NTRK3: variants seen among roughly 807,000 people sequenced by gnomAD.
NTRK3 encodes NT-3 growth factor receptor.
Under a neutral mutation model 91.7 loss-of-function variants are expected in NTRK3, and 24 were observed. The observed-to-expected ratio is 0.26, with a 90% CI of 0.19 to 0.37. NTRK3 has a LOEUF of 0.37. Ranked by LOEUF, NTRK3 falls within the 10% of genes least tolerant of loss-of-function variation. The pLI, the probability that NTRK3 is intolerant of heterozygous loss-of-function variation, is 1.00. For missense variants in NTRK3, 880 were observed against 1,068.9 expected (o/e 0.82, Z 2.46); for synonymous variants, 483 against 404.0 (o/e 1.20, Z -2.34).
intron 5 of NTRK3, among the ~76,000 whole-genome samples, chr15:88,161,644 G>C (rs1315333135): frequency 6.6e-6 from 1 of 152,206 alleles, no homozygotes; most frequent in Admixed American, 6.5e-5. Context: ...GGAGAGCATA[G>C]GGAAAGGCAT....
chr15:88,187,668 A>C (rs1011824467), intron 3 of NTRK3, among the ~76,000 whole-genome samples: 3 of 152,144 alleles, frequency 2.0e-5, no homozygotes, highest in African/African-American at 4.8e-5. Context: ...AAAATCAATC[A>C]ATACTGCCTG....
rs141567162 is a variant in NTRK3 at position 87,997,683 on chromosome 15, T to C, written c.1585+35174A>G. Among the ~76,000 whole-genome samples, 509 of 152,324 alleles carry C rather than the reference T, an allele frequency of 3.3e-3. 2 individuals carry two copies. Among genetic ancestry groups the C allele is most frequent in the Non-Finnish European group, 5.6e-3 (381 of 68,030 alleles). On this transcript the variant is annotated intron_variant, in intron 14 of 18. Transcript: ENST00000394480. ...CAATACTTTTGATGGATATGTGTTCTTTGATTCCTAGGGAAAAAATATGAA... is the reference window on the plus strand; with the variant it reads ...CAATACTTTTGATGGATATGTGTTCCTTGATTCCTAGGGAAAAAATATGAA...
Position 87,942,582 on chromosome 15 carries a change from G to A in NTRK3, c.1586-1829C>T, listed in dbSNP as rs559897921. Among the ~76,000 whole-genome samples, 61 of 152,128 alleles carry A rather than the reference G, an allele frequency of 4.0e-4. 1 individual carries two copies. The highest frequency in any genetic ancestry group is 4.1e-4 in the South Asian group (2 of 4,828). ...GCCTGGGAGTGAAGACAGGGCTCAC[G>A]ATGGCAGCTGTACAATGTCAAGCCC... On this transcript the variant is annotated intron_variant, in intron 14 of 18. Transcript: ENST00000394480.
In NTRK3 at chr15:88,075,319, G is replaced by A. The variant is rs557803860; in HGVS notation, c.1397-42274C>T. On this transcript the variant is annotated intron_variant, in intron 13 of 18. Transcript: ENST00000394480. ...GCCCCTGTCTAGCCGGGAACTCAGC[G>A]AGGATGTCAAAAATCAAATTAATTT... is the stretch of plus-strand genomic sequence containing the variant. Among the ~76,000 whole-genome samples, 36 of 152,314 alleles carry A rather than the reference G, an allele frequency of 2.4e-4. 1 individual carries two copies. The South Asian group carries it at 5.6e-3, about 24-fold the overall frequency.
chr15:88,047,071 C>A (rs1287446069), intron 13 of NTRK3, among the ~76,000 whole-genome samples: 2 of 152,180 alleles, frequency 1.3e-5, no homozygotes, highest in African/African-American at 4.8e-5. Context: ...CTCTAAGCCC[C>A]TTCAGTCACA....
chr15:88,005,120 G>T (rs551740747), intron 14 of NTRK3, among the ~76,000 whole-genome samples: 7 of 152,142 alleles, frequency 4.6e-5, no homozygotes, highest in African/African-American at 1.7e-4. Flanking sequence ...TATTGATTTG[G>T]GTCTCTTTGC....
intron 3 of NTRK3, among the ~76,000 whole-genome samples, chr15:88,212,225 C>T (rs1475005407): frequency 2.0e-5 from 3 of 152,070 alleles, no homozygotes; most frequent in African/African-American, 7.2e-5. Flanking sequence ...AAAAAATTAG[C>T]TGGGCATGGT....
intron 13 of NTRK3, among the ~76,000 whole-genome samples, chr15:88,039,734 A>AT (rs1391260676): frequency 6.6e-6 from 1 of 152,236 alleles, no homozygotes; most frequent in Non-Finnish European, 1.5e-5. Flanking sequence ...TGCAGAAAAG[A>AT]TACACCCACC....
At chr15:87,929,139 A>G in intron 17 of NTRK3, 52 bp downstream of exon 17, 1 of 1,613,842 alleles carries the variant, frequency 6.2e-7, no homozygotes, top group Non-Finnish European at 8.5e-7. Context: ...AAGACATGTA[A>G]GCAAGGCGCT....
chr15:88,095,973 C>A (rs941624706), intron 13 of NTRK3, among the ~76,000 whole-genome samples: 3 of 152,124 alleles, frequency 2.0e-5, no homozygotes, highest in African/African-American at 7.2e-5. Flanking sequence ...TTTTAGCAGC[C>A]CAGCATTCAT....
chr15:87,955,412 CT>C (rs1365701499), intron 14 of NTRK3, among the ~76,000 whole-genome samples: 1 of 152,212 alleles, frequency 6.6e-6, no homozygotes, highest in East Asian at 1.9e-4. Context: ...CTGCTGCACG[CT>C]ACAGAGGGTC....
chr15:87,943,379 G>A (rs1240541524), intron 14 of NTRK3, among the ~76,000 whole-genome samples: 1 of 151,802 alleles, frequency 6.6e-6, no homozygotes, highest in Non-Finnish European at 1.5e-5. Flanking sequence ...TCCCTCCTTA[G>A]CTGTGTGGCC....
At chr15:88,111,286 A>G (rs2051324396) in intron 13 of NTRK3, among the ~76,000 whole-genome samples, 1 of 152,166 alleles carries the variant, frequency 6.6e-6, no homozygotes, top group Non-Finnish European at 1.5e-5. Context: ...GGTTTCTACC[A>G]GGAGGTGTTA....
At chr15:87,933,889 G>A (rs1026279699) in intron 15 of NTRK3, among the ~76,000 whole-genome samples, 21 of 152,170 alleles carry the variant, frequency 1.4e-4, no homozygotes, top group African/African-American at 5.1e-4. Flanking sequence ...TCCTAGTGCA[G>A]GATGGAAAGG....
chr15:87,892,219 G>A (rs1250770022), intron 17 of NTRK3, among the ~76,000 whole-genome samples: 11 of 152,052 alleles, frequency 7.2e-5, no homozygotes, highest in Non-Finnish European at 1.5e-4. Context: ...ATAAAATACT[G>A]GTACAGGTGT....
chr15:88,196,851 T>A (rs1205578182), intron 3 of NTRK3, among the ~76,000 whole-genome samples: 1 of 152,160 alleles, frequency 6.6e-6, no homozygotes, highest in East Asian at 1.9e-4. Flanking sequence ...ATGCCTAACC[T>A]GTCTCCTGTC....
At chr15:88,111,611 GC>G (rs935309368) in intron 13 of NTRK3, among the ~76,000 whole-genome samples, 2 of 152,144 alleles carry the variant, frequency 1.3e-5, no homozygotes, top group African/African-American at 4.8e-5. Flanking sequence ...AAGGTTCCCA[GC>G]AGCCCTAGGT....
At chr15:88,090,197 C>A (rs2048888708) in intron 13 of NTRK3, among the ~76,000 whole-genome samples, 1 of 152,196 alleles carries the variant, frequency 6.6e-6, no homozygotes, top group Non-Finnish European at 1.5e-5. Flanking sequence ...TCCATCTTAG[C>A]ACTTATCACT....
chr15:87,950,382 C>A (rs541508490), intron 14 of NTRK3, among the ~76,000 whole-genome samples: 4 of 152,176 alleles, frequency 2.6e-5, no homozygotes, highest in Non-Finnish European at 5.9e-5. Flanking sequence ...TAAAACTGAG[C>A]TGCTTCAGGC....
Sources: gnomAD v4.1 joint callset for allele counts (sites outside exome capture counted in the v4.1 genomes callset) on GRCh38, gnomAD v4.1.1 for gene constraint, MANE v1.5 for transcripts, NCBI Gene and HGNC (gene_info 2026-07-23, HGNC 2026-07-21) for gene names.